The following NSUN3 variants were observed in gnomAD, a reference collection of about 807,000 sequenced individuals.
The protein encoded by NSUN3 is NOP2/Sun RNA methyltransferase 3, also known as tRNA (cytosine(34)-C(5))-methyltransferase, mitochondrial.
In NSUN3, 24 loss-of-function variants were observed where a neutral mutation model predicts 36.8. The ratio of observed to expected loss-of-function variants is 0.65; its 90% confidence interval spans 0.47 to 0.92. The LOEUF (loss-of-function observed/expected upper bound fraction) is 0.92. NSUN3 is among the 40% of genes least tolerant of loss of function. NSUN3 has a pLI of 0.00. For synonymous variants in NSUN3, 146 were observed against 145.2 expected (o/e 1.01, Z -0.04); for missense variants, 381 against 392.8 (o/e 0.97, Z 0.25).
At chr3:94,075,827 GTC>G in intron 2 of NSUN3, 5 of 955,538 alleles carry the variant, frequency 5.2e-6, no homozygotes, top group Non-Finnish European at 7.8e-6. Flanking sequence ...AACAAAGTCT[GTC>G]TCATAACCAG....
At chr3:94,081,355 G>T (rs919521687) in intron 2 of NSUN3, among the ~76,000 whole-genome samples, 1 of 152,106 alleles carries the variant, frequency 6.6e-6, no homozygotes, top group African/African-American at 2.4e-5. Context: ...TTCCTATTGG[G>T]CCATCTTGCC....
chr3:94,112,047 C>T (rs1327944957), intron 5 of NSUN3, among the ~76,000 whole-genome samples: 2 of 152,084 alleles, frequency 1.3e-5, no homozygotes, highest in South Asian at 2.1e-4. Flanking sequence ...GAGTCAACAT[C>T]GCAGGTCAAG....
intron 5 of NSUN3, among the ~76,000 whole-genome samples, chr3:94,100,172 G>C (rs1367836064): frequency 6.6e-6 from 1 of 152,190 alleles, no homozygotes; most frequent in Non-Finnish European, 1.5e-5. Flanking sequence ...AAAAGATAGT[G>C]AAGAGGTAAA....
chr3:94,105,407 A>T (rs2077384750), intron 5 of NSUN3, among the ~76,000 whole-genome samples: 3 of 152,208 alleles, frequency 2.0e-5, no homozygotes. Flanking sequence ...TTACCATGCC[A>T]TCGACCTAAA....
rs1281051913 is a variant in NSUN3 at position 94,063,096 on chromosome 3, C to T, written c.-31C>T. 1.9e-6 allele frequency: 3 copies of T among 1,613,820 alleles called. No individual in the cohort carries two copies. Among genetic ancestry groups the T allele is most frequent in the Admixed American group, 1.7e-5 (1 of 60,000 alleles). Reference sequence around the variant, plus strand: ...AGGCTTTTTGATACTGATTCGCGTACACCTGTTGTTTGAAAGCTCTCAGCG... The same window carrying T: ...AGGCTTTTTGATACTGATTCGCGTATACCTGTTGTTTGAAAGCTCTCAGCG... On this transcript the variant is annotated 5_prime_UTR_variant, in exon 1 of 6. Transcript: ENST00000314622.
intron 2 of NSUN3, among the ~76,000 whole-genome samples, chr3:94,072,560 T>G (rs2077228318): frequency 6.6e-6 from 1 of 152,070 alleles, no homozygotes; most frequent in East Asian, 1.9e-4. Flanking sequence ...ACTCCCTAAG[T>G]TGAGAACAGA....
chr3:94,077,969 T>A (rs920001210), intron 2 of NSUN3, among the ~76,000 whole-genome samples: 1 of 152,206 alleles, frequency 6.6e-6, no homozygotes, highest in African/African-American at 2.4e-5. Flanking sequence ...AGTTATTTCT[T>A]GTCTTCTGCT....
At chr3:94,110,277 T>TTCATTGATAGGAAGTTA (rs2077410642) in intron 5 of NSUN3, among the ~76,000 whole-genome samples, 1 of 151,964 alleles carries the variant, frequency 6.6e-6, no homozygotes, top group Non-Finnish European at 1.5e-5. Context: ...AGTGATAACT[T>TTCATTGATAGGAAGTTA]TCAGTGATAG....
chr3:94,079,100 G>A lies in NSUN3; in HGVS notation c.123-5007G>A, dbSNP rs183549229. Among the ~76,000 whole-genome samples the A allele has an allele frequency of 1.6e-4, 24 of 152,298 alleles. No individual in the cohort carries two copies. The East Asian group carries it at 4.1e-3, about 26-fold the overall frequency. On this transcript the variant is annotated intron_variant, in intron 2 of 5. Transcript: ENST00000314622. ...CTCTCCATGTTTAGTGCTTCCTTCA[G>A]GAGCTCTTGTAAGGCAGGCCTGGTG...
chr3:94,119,877 AAGGCT>A (rs1399303217), intron 5 of NSUN3, among the ~76,000 whole-genome samples: 10 of 152,268 alleles, frequency 6.6e-5, no homozygotes, highest in Non-Finnish European at 2.9e-5. Context: ...TTGTTTTAAA[AAGGCT>A]TTGTGTTACC....
chr3:94,104,036 G>A (rs928808268), intron 5 of NSUN3, among the ~76,000 whole-genome samples: 4 of 152,182 alleles, frequency 2.6e-5, no homozygotes, highest in African/African-American at 9.6e-5. Context: ...TTTATGGCAT[G>A]CTTTAAGCAG....
chr3:94,085,030 T>TTA (rs1491176384), intron 3 of NSUN3: 2 of 152,198 alleles, frequency 1.3e-5, no homozygotes, highest in African/African-American at 4.8e-5. Context: ...TATTTTACAT[T>TTA]CTCTCTTTTT....
chr3:94,099,364 A>G (rs1430731847), intron 5 of NSUN3, among the ~76,000 whole-genome samples: 1 of 152,186 alleles, frequency 6.6e-6, no homozygotes, highest in African/African-American at 2.4e-5. Flanking sequence ...GCTCTTCTGT[A>G]GTGGCCACTC....
rs78090411 is a variant in NSUN3 at position 94,130,665 on chromosome 3, A to G, written c.*4175A>G. Among the ~76,000 whole-genome samples, 774 of 152,288 alleles carry G rather than the reference A, an allele frequency of 5.1e-3. 7 individuals carry two copies. The highest frequency in any genetic ancestry group is 0.017 in the African/African-American group (705 of 41,552). On this transcript the variant is annotated 3_prime_UTR_variant, in exon 6 of 6. Transcript: ENST00000314622. ...TCCCAGGGGAGAACGTGAATGTTCC[A>G]AGGGACTTCGGCCTCTGGGGCTTCC...
At chr3:94,123,613 A>G (rs114796285) in intron 5 of NSUN3, among the ~76,000 whole-genome samples, 67 of 152,192 alleles carry the variant, frequency 4.4e-4, no homozygotes, top group African/African-American at 1.6e-3. Context: ...GACAGTTTTC[A>G]TCAAGACCCT....
intron 5 of NSUN3, among the ~76,000 whole-genome samples, chr3:94,115,622 T>C (rs1281842034): frequency 6.6e-6 from 1 of 152,168 alleles, no homozygotes. Flanking sequence ...TGATAAGTCA[T>C]GAGGAATTAA....
chr3:94,112,942 G>A (rs903356203), intron 5 of NSUN3, among the ~76,000 whole-genome samples: 3 of 152,082 alleles, frequency 2.0e-5, no homozygotes, highest in African/African-American at 7.2e-5. Flanking sequence ...TCGGCTCACT[G>A]CAAGTTCTGC....
intron 5 of NSUN3, among the ~76,000 whole-genome samples, chr3:94,125,325 A>G (rs2077481045): frequency 6.6e-6 from 1 of 152,188 alleles, no homozygotes. Context: ...TAAAAGTACT[A>G]GAGGTGTATT....
chr3:94,079,988 T>A (rs1156889053), intron 2 of NSUN3, among the ~76,000 whole-genome samples: 1 of 152,136 alleles, frequency 6.6e-6, no homozygotes, highest in Non-Finnish European at 1.5e-5. Flanking sequence ...GGAGTTGTGA[T>A]CCTTTGGAGG....
Sources: gnomAD v4.1 joint callset for allele counts (sites outside exome capture counted in the v4.1 genomes callset) on GRCh38, gnomAD v4.1.1 for gene constraint, MANE v1.5 for transcripts, NCBI Gene and HGNC (gene_info 2026-07-23, HGNC 2026-07-21) for gene names.